The following PAM variants were observed in gnomAD, a reference collection of about 807,000 sequenced individuals.
PAM encodes peptidylglycine alpha-amidating monooxygenase.
A neutral mutation model predicts 122.1 loss-of-function variants in PAM; 72 were observed. That is an observed-to-expected ratio of 0.59 (90% CI 0.49 to 0.72). The LOEUF (loss-of-function observed/expected upper bound fraction) is 0.72, where lower values mean the gene tolerates loss of function less well. Among genes scored for constraint, PAM ranks in the 30% least tolerant of loss-of-function variants. PAM has a pLI of 0.00. For synonymous variants in PAM, 389 were observed against 404.4 expected (o/e 0.96, Z 0.46); for missense variants, 1,106 against 1,183.7 (o/e 0.93, Z 0.96).
At chr5:102,976,279 T>G (rs938219262) in intron 15 of PAM, among the ~76,000 whole-genome samples, 33 of 152,304 alleles carry the variant, frequency 2.2e-4, no homozygotes, top group Non-Finnish European at 3.4e-4. Flanking sequence ...GTAAGCTGTT[T>G]CTAAAAGGCT....
chr5:102,783,617 G>A (rs994475097), intron 1 of PAM, among the ~76,000 whole-genome samples: 6 of 152,082 alleles, frequency 3.9e-5, no homozygotes, highest in Non-Finnish European at 7.4e-5. Flanking sequence ...TTTTAGGAAC[G>A]AATATATATG....
At chr5:102,889,593 T>C (rs1252274509) in intron 3 of PAM, among the ~76,000 whole-genome samples, 2 of 151,956 alleles carry the variant, frequency 1.3e-5, no homozygotes, top group African/African-American at 2.4e-5. Flanking sequence ...AACATTGATA[T>C]CATTTAAATA....
chr5:102,952,930 G>A (rs998178352), intron 12 of PAM, among the ~76,000 whole-genome samples: 5 of 152,080 alleles, frequency 3.3e-5, no homozygotes, highest in African/African-American at 9.7e-5. Context: ...AGCCCCGAGC[G>A]TGAAGCACAC....
chr5:102,843,579 G>A (rs944554148), intron 1 of PAM, among the ~76,000 whole-genome samples: 1 of 152,174 alleles, frequency 6.6e-6, no homozygotes, highest in African/African-American at 2.4e-5. Context: ...ACAAGCTACA[G>A]AGTGGGAGAA....
intron 18 of PAM, among the ~76,000 whole-genome samples, chr5:103,006,530 G>T (rs964594885): frequency 1.3e-5 from 2 of 152,168 alleles, no homozygotes; most frequent in African/African-American, 4.8e-5. Flanking sequence ...GGACAGAACT[G>T]GGTATCCATG....
intron 1 of PAM, among the ~76,000 whole-genome samples, chr5:102,779,901 A>G (rs1342876298): frequency 6.8e-5 from 7 of 102,206 alleles, no homozygotes; most frequent in Admixed American, 6.0e-4. Flanking sequence ...ATATATATAT[A>G]TATATATATA....
Position 102,829,001 on chromosome 5 carries a change from C to T in PAM, c.-373-36822C>T, listed in dbSNP as rs76786352. Among the ~76,000 whole-genome samples the T allele has an allele frequency of 8.8e-3, 1,309 of 149,104 alleles. 17 individuals carry two copies. The highest frequency in any genetic ancestry group is 0.031 in the African/African-American group (1,267 of 40,424). On this transcript the variant is annotated intron_variant, in intron 1 of 25. Coordinates refer to ENST00000438793, the MANE Select transcript of PAM (RefSeq NM_001177306.2). ...ATTCTTGCACTCCAGCAATCCTCATCTCAGCTTCCCGAGAAGCTGGGACTG... is the reference window on the plus strand; with the variant it reads ...ATTCTTGCACTCCAGCAATCCTCATTTCAGCTTCCCGAGAAGCTGGGACTG...
intron 25 of PAM, 125 bp from the exon 26 acceptor site, chr5:103,028,761 TA>T (rs1264538743): frequency 1.6e-6 from 1 of 627,100 alleles, no homozygotes; most frequent in African/African-American, 1.9e-5. Flanking sequence ...TTTTCTATTT[TA>T]TTTTTAAATA....
chr5:102,843,360 A>G (rs904985594), intron 1 of PAM, among the ~76,000 whole-genome samples: 1 of 152,210 alleles, frequency 6.6e-6, no homozygotes, highest in African/African-American at 2.4e-5. Context: ...CTCAGCTTAT[A>G]CAAAAACGAA....
intron 2 of PAM, chr5:102,866,520 A>C: frequency 1.9e-6 from 1 of 521,312 alleles, no homozygotes; most frequent in Non-Finnish European, 3.5e-6. Flanking sequence ...AAAACTAATC[A>C]CTCCCTCTGG....
intron 1 of PAM, among the ~76,000 whole-genome samples, chr5:102,853,726 C>T (rs1319597010): frequency 1.3e-5 from 2 of 152,198 alleles, no homozygotes; most frequent in East Asian, 1.9e-4. Context: ...TTAGAACTAT[C>T]ACTTCTGACT....
intron 3 of PAM, among the ~76,000 whole-genome samples, chr5:102,870,412 T>C (rs1288264480): frequency 1.3e-5 from 2 of 152,158 alleles, no homozygotes; most frequent in Non-Finnish European, 2.9e-5. Flanking sequence ...TAACTAATTT[T>C]ACAGATGGAA....
intron 16 of PAM, among the ~76,000 whole-genome samples, chr5:102,991,568 G>T (rs148396069): frequency 6.6e-6 from 1 of 152,014 alleles, no homozygotes; most frequent in African/African-American, 2.4e-5. Flanking sequence ...GTTCTGTCAC[G>T]TATGCATATG....
At chr5:102,898,470 T>G (rs759829336) in intron 3 of PAM, among the ~76,000 whole-genome samples, 64 of 151,652 alleles carry the variant, frequency 4.2e-4, no homozygotes, top group Non-Finnish European at 8.0e-4. Flanking sequence ...AAGACTATTA[T>G]AATGGGCAAT....
intron 1 of PAM, among the ~76,000 whole-genome samples, chr5:102,778,902 A>C (rs1757874612): frequency 1.3e-5 from 2 of 152,266 alleles, no homozygotes; most frequent in Non-Finnish European, 1.5e-5. Flanking sequence ...CATTTGAATC[A>C]GGCAGTCCTT....
At chr5:102,912,588 T>C (rs1219871490) in intron 4 of PAM, among the ~76,000 whole-genome samples, 1 of 151,788 alleles carries the variant, frequency 6.6e-6, no homozygotes, top group Non-Finnish European at 1.5e-5. Context: ...TTTCTCTTGC[T>C]AACAAACTTC....
chr5:102,965,162 GACACACACAC>G (rs66633444), intron 14 of PAM, among the ~76,000 whole-genome samples: 22 of 138,814 alleles, frequency 1.6e-4, no homozygotes, highest in African/African-American at 4.8e-4. Context: ...TTCCAAAGCA[GACACACACAC>G]ACACACACAC....
At chr5:103,028,274 G>T (rs1461294067) in intron 25 of PAM, 36 bp downstream of exon 25, 1 of 1,433,382 alleles carries the variant, frequency 7.0e-7, no homozygotes. Context: ...TTCATGTTTG[G>T]TTCAAAGTCA....
intron 7 of PAM, among the ~76,000 whole-genome samples, chr5:102,945,788 T>C (rs1474075750): frequency 6.6e-6 from 1 of 151,430 alleles, no homozygotes; most frequent in Non-Finnish European, 1.5e-5. Context: ...TACTGATTTG[T>C]TTTTTCATTT....
Sources: gnomAD v4.1 joint callset for allele counts (sites outside exome capture counted in the v4.1 genomes callset) on GRCh38, gnomAD v4.1.1 for gene constraint, MANE v1.5 for transcripts, NCBI Gene and HGNC (gene_info 2026-07-23, HGNC 2026-07-21) for gene names.